The following CADM2 variants were observed in gnomAD, a reference collection of about 807,000 sequenced individuals.
CADM2 encodes the protein immunoglobulin superfamily member 4D.
In CADM2, 12 loss-of-function variants were observed where a neutral mutation model predicts 49.8. That is an observed-to-expected ratio of 0.24 (90% CI 0.15 to 0.39). The LOEUF is 0.39. Ranked by LOEUF, CADM2 falls within the 10% of genes least tolerant of loss-of-function variation. The pLI, the probability that CADM2 is intolerant of heterozygous loss-of-function variation, is 1.00. For missense variants in CADM2, 378 were observed against 492.3 expected (o/e 0.77, Z 2.20); for synonymous variants, 214 against 175.4 (o/e 1.22, Z -1.74).
chr3:86,065,458 T>C (rs1308888561), intron 8 of CADM2, 147 bp from the exon 9 acceptor site: 4 of 711,716 alleles, frequency 5.6e-6, no homozygotes, highest in Non-Finnish European at 6.7e-6. Flanking sequence ...ATATTATATT[T>C]GTTCACAGGA....
intron 1 of CADM2, among the ~76,000 whole-genome samples, chr3:85,670,422 G>C (rs2065702060): frequency 6.6e-6 from 1 of 151,876 alleles, no homozygotes; most frequent in South Asian, 2.1e-4. Context: ...CATTTTAAAA[G>C]CCTGCCTTAC....
intron 2 of CADM2, among the ~76,000 whole-genome samples, chr3:85,745,741 T>C (rs1219155102): frequency 6.6e-6 from 1 of 152,150 alleles, no homozygotes; most frequent in Non-Finnish European, 1.5e-5. Flanking sequence ...GGTGCATGCC[T>C]GTAGTCCCAG....
At chr3:85,243,823 G>A (rs559076514) in intron 1 of CADM2, among the ~76,000 whole-genome samples, 1 of 152,022 alleles carries the variant, frequency 6.6e-6, no homozygotes, top group East Asian at 1.9e-4. Flanking sequence ...CTTTTCCCAG[G>A]TTAGTTACTG....
At position 85,939,895 on chromosome 3, in the gene CADM2, G is replaced by T. The variant is rs557115104; in HGVS notation, c.791+4038G>T. ...AGGAAGACAGATCACATACTATATA[G>T]CAACTAGTGAGGTGTTTTAGAGAAA... On this transcript the variant is annotated intron_variant, in intron 7 of 9. Coordinates refer to ENST00000383699, the MANE Select transcript of CADM2 (RefSeq NM_001167675.2). Among the ~76,000 whole-genome samples the T allele has an allele frequency of 2.0e-5, 3 of 149,666 alleles. No individual in the cohort carries two copies. The South Asian group carries it at 6.5e-4, about 32-fold the overall frequency.
At chr3:86,051,903 C>T (rs1013369480) in intron 8 of CADM2, among the ~76,000 whole-genome samples, 1 of 152,084 alleles carries the variant, frequency 6.6e-6, no homozygotes, top group African/African-American at 2.4e-5. Flanking sequence ...ACCTCCAACC[C>T]TGGGAATTAC....
intron 1 of CADM2, among the ~76,000 whole-genome samples, chr3:85,182,393 T>C (rs976587964): frequency 2.6e-5 from 4 of 152,042 alleles, no homozygotes; most frequent in Middle Eastern, 3.2e-3. Flanking sequence ...CCCCATAATA[T>C]AATGAGATAT....
intron 8 of CADM2, among the ~76,000 whole-genome samples, chr3:86,027,296 A>G (rs1455512901): frequency 2.0e-5 from 3 of 152,180 alleles, no homozygotes; most frequent in Non-Finnish European, 4.4e-5. Flanking sequence ...AAACATATTT[A>G]TTATCAACAT....
intron 7 of CADM2, among the ~76,000 whole-genome samples, chr3:85,961,179 A>G (rs1724762765): frequency 6.6e-6 from 1 of 151,168 alleles, no homozygotes; most frequent in Non-Finnish European, 1.5e-5. Context: ...TTAGCAGCAG[A>G]ATCTGGGCCA....
At chr3:85,242,033 A>G (rs2042542544) in intron 1 of CADM2, among the ~76,000 whole-genome samples, 1 of 150,840 alleles carries the variant, frequency 6.6e-6, no homozygotes, top group Admixed American at 6.6e-5. Context: ...TATTTCTTAT[A>G]AGATTAAGGA....
intron 1 of CADM2, among the ~76,000 whole-genome samples, chr3:85,544,329 A>G (rs1358118353): frequency 6.6e-6 from 1 of 152,232 alleles, no homozygotes; most frequent in East Asian, 1.9e-4. Flanking sequence ...CTGTAATCCC[A>G]GCACTTTGGG....
At chr3:85,466,464 C>T (rs1050039239) in intron 1 of CADM2, among the ~76,000 whole-genome samples, 1 of 152,136 alleles carries the variant, frequency 6.6e-6, no homozygotes, top group African/African-American at 2.4e-5. Flanking sequence ...AAACGCTTTG[C>T]CTTTTTTGCA....
intron 1 of CADM2, among the ~76,000 whole-genome samples, chr3:85,618,734 T>A (rs1173680761): frequency 1.3e-5 from 2 of 152,122 alleles, no homozygotes; most frequent in South Asian, 2.1e-4. Flanking sequence ...TTTGTATGTA[T>A]AATTTATTTT....
chr3:85,982,290 A>G (rs1341796668), intron 8 of CADM2, among the ~76,000 whole-genome samples: 1 of 150,696 alleles, frequency 6.6e-6, no homozygotes, highest in Admixed American at 6.6e-5. Flanking sequence ...AAGTGCTCAG[A>G]TAATTTATTT....
intron 1 of CADM2, among the ~76,000 whole-genome samples, chr3:85,665,257 A>G (rs1177467006): frequency 6.6e-6 from 1 of 151,964 alleles, no homozygotes; most frequent in Non-Finnish European, 1.5e-5. Flanking sequence ...ATCTCATAAT[A>G]CATTTAAGAT....
intron 8 of CADM2, among the ~76,000 whole-genome samples, chr3:86,042,632 C>G (rs1324215301): frequency 2.0e-5 from 3 of 152,062 alleles, no homozygotes; most frequent in Non-Finnish European, 4.4e-5. Flanking sequence ...GGATTCACAG[C>G]TGAATTCTAC....
At chr3:85,599,783 G>A (rs1036642721) in intron 1 of CADM2, among the ~76,000 whole-genome samples, 1 of 151,746 alleles carries the variant, frequency 6.6e-6, no homozygotes, top group Non-Finnish European at 1.5e-5. Flanking sequence ...CAAAAATAAC[G>A]ATAAATTTTA....
chr3:85,265,088 T>C (rs985230061), intron 1 of CADM2, among the ~76,000 whole-genome samples: 8 of 152,150 alleles, frequency 5.3e-5, no homozygotes, highest in African/African-American at 1.9e-4. Context: ...TGGCAGATAT[T>C]GCTGGGCTCC....
intron 1 of CADM2, among the ~76,000 whole-genome samples, chr3:85,633,714 T>TA (rs2064377992): frequency 1.3e-5 from 2 of 151,888 alleles, no homozygotes; most frequent in Admixed American, 6.6e-5. Context: ...TAACTTTCCA[T>TA]AAAAAAGGAT....
chr3:85,109,059 A>G (rs1260815087), intron 1 of CADM2, among the ~76,000 whole-genome samples: 1 of 152,072 alleles, frequency 6.6e-6, no homozygotes, highest in East Asian at 1.9e-4. Context: ...ATTACTTATT[A>G]ATTTTTCCAT....
Sources: gnomAD v4.1 joint callset for allele counts (sites outside exome capture counted in the v4.1 genomes callset) on GRCh38, gnomAD v4.1.1 for gene constraint, MANE v1.5 for transcripts, NCBI Gene and HGNC (gene_info 2026-07-23, HGNC 2026-07-21) for gene names.